The following RGS8 variants were observed in gnomAD, a reference collection of about 807,000 sequenced individuals.
The protein encoded by RGS8 is regulator of G protein signaling 8.
A neutral mutation model predicts 21.7 loss-of-function variants in RGS8; 8 were observed. The observed-to-expected ratio is 0.37, with a 90% CI of 0.22 to 0.66. The LOEUF (loss-of-function observed/expected upper bound fraction) is 0.66, where lower values mean the gene tolerates loss of function less well. RGS8 is among the 30% of genes least tolerant of loss of function. The probability of loss-of-function intolerance (pLI) is 0.59; values close to 1 mark genes in which losing one functional copy is unlikely to be tolerated. For missense variants in RGS8, 157 were observed against 217.9 expected (o/e 0.72, Z 1.76); for synonymous variants, 80 against 83.6 (o/e 0.96, Z 0.24).
the RGS8 span, among the ~76,000 whole-genome samples, chr1:182,706,904 A>G: frequency 6.6e-6 from 1 of 152,034 alleles, no homozygotes; most frequent in Non-Finnish European, 1.5e-5. Context: ...TTTTTCTAAA[A>G]CTAAGTATCT....
At chr1:182,656,204 C>T (rs1388667958) in intron 5 of RGS8, among the ~76,000 whole-genome samples, 8 of 152,206 alleles carry the variant, frequency 5.3e-5, no homozygotes, top group Non-Finnish European at 7.3e-5. Flanking sequence ...AGTGACTTTG[C>T]ACACACATCT....
chr1:182,711,013 G>A, the RGS8 span, among the ~76,000 whole-genome samples: 1 of 152,130 alleles, frequency 6.6e-6, no homozygotes, highest in African/African-American at 2.4e-5. Context: ...AATGCAAGAG[G>A]CACAAAGATG....
intron 5 of RGS8, among the ~76,000 whole-genome samples, chr1:182,655,248 G>A (rs1663216066): frequency 6.6e-6 from 1 of 152,232 alleles, no homozygotes; most frequent in South Asian, 2.1e-4. Flanking sequence ...AGTAACCTGA[G>A]GGATGCCTGT....
At chr1:182,674,444 G>A (rs958637439), upstream of RGS8, among the ~76,000 whole-genome samples, 8 of 152,052 alleles carry the variant, frequency 5.3e-5, no homozygotes, top group East Asian at 1.9e-4. Flanking sequence ...ACAAGGAAAC[G>A]GAACATTAAA....
At chr1:182,707,794 C>T in the RGS8 span, among the ~76,000 whole-genome samples, 1 of 152,262 alleles carries the variant, frequency 6.6e-6, no homozygotes, top group Admixed American at 6.5e-5. Context: ...GCAAGCTCTG[C>T]CTCCCGGGTT....
At chr1:182,648,572 A>G (rs1028800109) in intron 5 of RGS8, among the ~76,000 whole-genome samples, 2 of 151,462 alleles carry the variant, frequency 1.3e-5, no homozygotes, top group Non-Finnish European at 2.9e-5. Context: ...CATCTCTACT[A>G]AAAATACAAA....
chr1:182,659,111 C>A (rs963857766), intron 5 of RGS8, among the ~76,000 whole-genome samples: 39 of 152,276 alleles, frequency 2.6e-4, no homozygotes, highest in Admixed American at 2.5e-3. Context: ...TATGATCAAA[C>A]CCTACACTGG....
At chr1:182,648,397 C>T (rs1662808097) in intron 5 of RGS8, 94 bp from the exon 7 acceptor site, 2 of 1,325,340 alleles carry the variant, frequency 1.5e-6, no homozygotes, top group Non-Finnish European at 1.0e-6. Flanking sequence ...TGTGAGGGTG[C>T]CCCTAATTGT....
chr1:182,699,519 G>A, the RGS8 span, among the ~76,000 whole-genome samples: 1 of 152,226 alleles, frequency 6.6e-6, no homozygotes, highest in South Asian at 2.1e-4. Flanking sequence ...ATGCCACGGG[G>A]AAAGTGAAAA....
At chr1:182,688,392 A>T (rs1322684995), upstream of RGS8, among the ~76,000 whole-genome samples, 4 of 151,868 alleles carry the variant, frequency 2.6e-5, no homozygotes, top group African/African-American at 9.7e-5. Context: ...TTCATTTTTA[A>T]GAAAGAAGGA....
upstream of RGS8, among the ~76,000 whole-genome samples, chr1:182,674,789 C>T (rs1426731097): frequency 2.0e-5 from 3 of 152,180 alleles, no homozygotes; most frequent in African/African-American, 7.2e-5. Context: ...GGTTCTTTTC[C>T]AGCTACTGCT....
At chr1:182,662,183 CT>C (rs1327025192) in intron 5 of RGS8, among the ~76,000 whole-genome samples, 1 of 152,096 alleles carries the variant, frequency 6.6e-6, no homozygotes, top group African/African-American at 2.4e-5. Context: ...TTTCTTTTGC[CT>C]GAGATTTCAG....
At chr1:182,739,766 A>T in the RGS8 span, among the ~76,000 whole-genome samples, 1 of 152,058 alleles carries the variant, frequency 6.6e-6, no homozygotes, top group African/African-American at 2.4e-5. Context: ...GCCCACCCAG[A>T]AGCCCTTGCG....
upstream of RGS8, among the ~76,000 whole-genome samples, chr1:182,689,007 G>A (rs1664764040): frequency 6.6e-6 from 1 of 152,186 alleles, no homozygotes; most frequent in African/African-American, 2.4e-5. Context: ...TGCTGTTTAA[G>A]TCACTGTGTC....
the RGS8 span, among the ~76,000 whole-genome samples, chr1:182,726,657 C>A: frequency 2.7e-5 from 4 of 150,246 alleles, no homozygotes; most frequent in Non-Finnish European, 5.9e-5. Context: ...GTAACAAAAG[C>A]GAGACTCTGT....
intron 2 of RGS8, 145 bp from the exon 4 acceptor site, chr1:182,669,897 G>T (rs997734556): frequency 2.3e-6 from 2 of 886,872 alleles, no homozygotes; most frequent in Non-Finnish European, 3.2e-6. Flanking sequence ...CCTTAGCAGG[G>T]GCGACAAACC....
chr1:182,660,945 C>A (rs1312198136), intron 5 of RGS8, among the ~76,000 whole-genome samples: 1 of 151,796 alleles, frequency 6.6e-6, no homozygotes, highest in African/African-American at 2.4e-5. Context: ...TGTTCTAGAA[C>A]CTTTTGGCTT....
intron 5 of RGS8, among the ~76,000 whole-genome samples, chr1:182,659,929 A>G (rs1378492405): frequency 6.6e-6 from 1 of 152,168 alleles, no homozygotes; most frequent in Non-Finnish European, 1.5e-5. Flanking sequence ...CCAAAAGCTC[A>G]TGAGGCAAAG....
At chr1:182,648,058 C>T in intron 6 of RGS8, 79 bp downstream of exon 7, 2 of 1,336,410 alleles carry the variant, frequency 1.5e-6, no homozygotes, top group Non-Finnish European at 2.0e-6. Context: ...CTCATCAAGC[C>T]TGGCTCAGAT....
Sources: allele counts gnomAD v4.1 joint callset (sites outside exome capture counted in the v4.1 genomes callset), GRCh38; gene constraint gnomAD v4.1.1; transcripts MANE v1.5; gene names NCBI Gene and HGNC (gene_info 2026-07-23, HGNC 2026-07-21).